Variants in LSAMP observed in about 807,000 individuals in gnomAD.
The protein encoded by LSAMP is limbic system-associated membrane protein.
Under a neutral mutation model 38.6 loss-of-function variants are expected in LSAMP, and 7 were observed. The observed-to-expected ratio is 0.18, with a 90% CI of 0.10 to 0.34. The LOEUF (loss-of-function observed/expected upper bound fraction) is 0.34, where lower values mean the gene tolerates loss of function less well. LSAMP is among the 10% of genes least tolerant of loss of function. The pLI is 1.00. For synonymous variants in LSAMP, 154 were observed against 166.8 expected (o/e 0.92, Z 0.59); for missense variants, 313 against 420.0 (o/e 0.75, Z 2.23).
chr3:116,225,531 C>T (rs930071742), intron 1 of LSAMP, among the ~76,000 whole-genome samples: 5 of 152,022 alleles, frequency 3.3e-5, no homozygotes, highest in African/African-American at 9.7e-5. Context: ...TTCTAGTAAA[C>T]GTTATTACAA....
chr3:116,176,665 T>C (rs2107562369), intron 1 of LSAMP, among the ~76,000 whole-genome samples: 1 of 152,254 alleles, frequency 6.6e-6, no homozygotes, highest in Middle Eastern at 3.4e-3. Flanking sequence ...AACTAGTTGT[T>C]ATAACTGGCA....
intron 1 of LSAMP, among the ~76,000 whole-genome samples, chr3:116,393,485 C>A (rs186500093): frequency 6.6e-6 from 1 of 152,304 alleles, no homozygotes. Flanking sequence ...CTCACATACC[C>A]CTCACTGCCC....
At chr3:115,846,104 G>T (rs1935149647) in intron 4 of LSAMP, among the ~76,000 whole-genome samples, 1 of 152,150 alleles carries the variant, frequency 6.6e-6, no homozygotes, top group Non-Finnish European at 1.5e-5. Flanking sequence ...GGCTAAGAAA[G>T]ACTATTACAA....
chr3:115,941,718 G>A (rs966876510), intron 3 of LSAMP, among the ~76,000 whole-genome samples: 4 of 152,102 alleles, frequency 2.6e-5, no homozygotes, highest in East Asian at 1.9e-4. Flanking sequence ...AATACTGTAC[G>A]TTCTCACTTA....
At chr3:116,241,439 G>A (rs1370145426) in intron 1 of LSAMP, among the ~76,000 whole-genome samples, 7 of 151,982 alleles carry the variant, frequency 4.6e-5, no homozygotes, top group African/African-American at 1.5e-4. Context: ...GGTGACACAC[G>A]CCTGTAGTCC....
At chr3:115,832,836 A>G (rs1045393690) in intron 6 of LSAMP, among the ~76,000 whole-genome samples, 1 of 152,202 alleles carries the variant, frequency 6.6e-6, no homozygotes, top group South Asian at 2.1e-4. Flanking sequence ...TCATTCTCCA[A>G]TCAACAGTTC....
chr3:116,331,637 G>A (rs1026714410), intron 1 of LSAMP, among the ~76,000 whole-genome samples: 7 of 152,100 alleles, frequency 4.6e-5, no homozygotes, highest in African/African-American at 1.4e-4. Flanking sequence ...TTCCTTACCC[G>A]TAGAACTGCC....
At chr3:116,101,562 A>C (rs933434379) in intron 1 of LSAMP, among the ~76,000 whole-genome samples, 1 of 152,168 alleles carries the variant, frequency 6.6e-6, no homozygotes, top group African/African-American at 2.4e-5. Flanking sequence ...GAGAAGGTTC[A>C]ATAACCTACT....
intron 3 of LSAMP, among the ~76,000 whole-genome samples, chr3:115,931,039 G>A (rs1319554688): frequency 1.3e-5 from 2 of 152,122 alleles, no homozygotes; most frequent in African/African-American, 4.8e-5. Context: ...ATGTCATAAG[G>A]TCATTGTTGA....
At chr3:116,097,136 A>C (rs1002064985) in intron 1 of LSAMP, among the ~76,000 whole-genome samples, 2 of 152,192 alleles carry the variant, frequency 1.3e-5, no homozygotes, top group African/African-American at 4.8e-5. Context: ...ATGCAATTAA[A>C]AACAATTCCA....
In LSAMP at chr3:116,272,720, G is replaced by T. The variant is rs188303283; in HGVS notation, c.155+172157C>A. Among the ~76,000 whole-genome samples the T allele has an allele frequency of 1.3e-4, 20 of 152,182 alleles. No homozygotes were observed. The East Asian group carries it at 3.7e-3, about 28-fold the overall frequency. ...TTTCTGCATGATATTGAACCCCACA[G>T]GTTCAGGATACACAAATAATGTCCT... is the stretch of plus-strand genomic sequence containing the variant. On this transcript the variant is annotated intron_variant, in intron 1 of 6. Coordinates refer to ENST00000490035, the MANE Select transcript of LSAMP (RefSeq NM_002338.5).
intron 1 of LSAMP, among the ~76,000 whole-genome samples, chr3:116,393,027 G>A (rs1161928040): frequency 6.6e-6 from 1 of 152,148 alleles, no homozygotes. Flanking sequence ...CTGTTCTATT[G>A]CTCAATAAAT....
chr3:115,976,948 G>A (rs1248109797), intron 3 of LSAMP, among the ~76,000 whole-genome samples: 1 of 152,068 alleles, frequency 6.6e-6, no homozygotes, highest in Admixed American at 6.5e-5. Flanking sequence ...AGCAATGTGA[G>A]AATGGACTAA....
chr3:116,253,005 T>C (rs1429382080), intron 1 of LSAMP, among the ~76,000 whole-genome samples: 3 of 152,208 alleles, frequency 2.0e-5, no homozygotes, highest in Non-Finnish European at 4.4e-5. Context: ...TCTGGACTTC[T>C]CGAATCAATA....
chr3:116,156,878 G>T (rs1213136691), intron 1 of LSAMP, among the ~76,000 whole-genome samples: 1 of 152,132 alleles, frequency 6.6e-6, no homozygotes, highest in African/African-American at 2.4e-5. Flanking sequence ...ATCAGGTAGA[G>T]AATGAGGCAT....
intron 1 of LSAMP, among the ~76,000 whole-genome samples, chr3:116,347,347 T>G (rs9822049): frequency 0.063 from 9,610 of 152,226 alleles, 420 homozygotes; most frequent in African/African-American, 0.13. Flanking sequence ...GTCAAATAAC[T>G]GCTTCAGAAA....
chr3:116,351,289 C>G (rs1200742798), intron 1 of LSAMP, among the ~76,000 whole-genome samples: 1 of 151,968 alleles, frequency 6.6e-6, no homozygotes, highest in Non-Finnish European at 1.5e-5. Flanking sequence ...TTCCCACACC[C>G]TACCTTCCAA....
chr3:116,260,746 T>C (rs77325324), intron 1 of LSAMP, among the ~76,000 whole-genome samples: 2,174 of 152,296 alleles, frequency 0.014, 50 homozygotes, highest in African/African-American at 0.049. Context: ...TCAACCTACG[T>C]GAGGCTTAGA....
At chr3:115,951,527 A>G (rs1223796856) in intron 3 of LSAMP, among the ~76,000 whole-genome samples, 1 of 152,170 alleles carries the variant, frequency 6.6e-6, no homozygotes, top group East Asian at 1.9e-4. Context: ...TGTGTCTGTG[A>G]GGGTGCTGCC....
Sources: allele counts gnomAD v4.1 joint callset (sites outside exome capture counted in the v4.1 genomes callset), GRCh38; gene constraint gnomAD v4.1.1; transcripts MANE v1.5; gene names NCBI Gene and HGNC (gene_info 2026-07-23, HGNC 2026-07-21).